The following TTC39B variants were observed in gnomAD, a reference collection of about 807,000 sequenced individuals.
TTC39B encodes the protein tetratricopeptide repeat protein 39B.
A neutral mutation model predicts 96.6 loss-of-function variants in TTC39B; 92 were observed. That is an observed-to-expected ratio of 0.95 (90% CI 0.80 to 1.13). TTC39B has a LOEUF of 1.13. TTC39B is among the 50% of genes most tolerant of loss of function. The pLI, the probability that TTC39B is intolerant of heterozygous loss-of-function variation, is 0.00. For missense variants in TTC39B, 955 were observed against 809.3 expected (o/e 1.18, Z -2.18); for synonymous variants, 367 against 299.4 (o/e 1.23, Z -2.33).
At chr9:15,209,222 T>C (rs1486716812) in intron 6 of TTC39B, among the ~76,000 whole-genome samples, 1 of 152,150 alleles carries the variant, frequency 6.6e-6, no homozygotes, top group African/African-American at 2.4e-5. Context: ...TATTGTGGAC[T>C]AGAGTGTAAC....
chr9:15,208,070 C>G (rs1819979357), intron 6 of TTC39B, among the ~76,000 whole-genome samples: 1 of 151,126 alleles, frequency 6.6e-6, no homozygotes. Context: ...TACTCTGTCA[C>G]CCAGGCAGAA....
chr9:15,246,810 G>C (rs1160564049), intron 2 of TTC39B, among the ~76,000 whole-genome samples: 3 of 152,238 alleles, frequency 2.0e-5, no homozygotes, highest in Non-Finnish European at 4.4e-5. Context: ...TCCAGCTCCA[G>C]CTGAGCCACC....
rs375100311 is a variant in TTC39B, at chr9:15,213,855, C to T, written c.482+284G>A. On this transcript the variant is annotated intron_variant, in intron 4 of 19. Coordinates refer to ENST00000512701, the Ensembl canonical transcript of TTC39B. ...AAGGAACAAACATAAAAACATTTCACTGAAGAAAGCAAAATTGAAGCCTTA... is the reference window on the plus strand; with the variant it reads ...AAGGAACAAACATAAAAACATTTCATTGAAGAAAGCAAAATTGAAGCCTTA... Among the ~76,000 whole-genome samples, 90 of 152,216 alleles carry T rather than the reference C, an allele frequency of 5.9e-4. 4 individuals carry two copies. The South Asian group carries it at 0.018, about 31-fold the overall frequency.
At chr9:15,181,187 C>G (rs2118604773) in intron 17 of TTC39B, among the ~76,000 whole-genome samples, 1 of 152,246 alleles carries the variant, frequency 6.6e-6, no homozygotes, top group South Asian at 2.1e-4. Context: ...GAGTGCCCAT[C>G]TTTTTACAGT....
chr9:15,239,242 T>C (rs982288449), intron 2 of TTC39B, among the ~76,000 whole-genome samples: 6 of 152,090 alleles, frequency 3.9e-5, no homozygotes, highest in Non-Finnish European at 8.8e-5. Flanking sequence ...TCAGAATGGC[T>C]ATTATTAAAA....
Position 15,214,254 on chromosome 9 carries a change from A to G in TTC39B, c.372-5T>C. On this transcript the variant is annotated splice_polypyrimidine_tract_variant and splice_region_variant and intron_variant, in intron 3 of 19. Coordinates refer to ENST00000512701, the Ensembl canonical transcript of TTC39B. ...TCCACCTTGGTTGATGATGAACTAA[A>G]GATCAAGAAAAAAGCACAGAGAATT... The G allele has an allele frequency of 6.2e-7, 1 of 1,610,268 alleles. No individual in the cohort carries two copies. Among genetic ancestry groups the G allele is most frequent in the Non-Finnish European group, 8.5e-7 (1 of 1,176,816 alleles).
chr9:15,204,254 C>T (rs1161175575), intron 6 of TTC39B, among the ~76,000 whole-genome samples: 1 of 152,268 alleles, frequency 6.6e-6, no homozygotes, highest in East Asian at 1.9e-4. Context: ...TTTGGCTGTG[C>T]GTGGTGGTTT....
chr9:15,281,625 C>CAAAAACAAAAA (rs1823764826), intron 1 of TTC39B, among the ~76,000 whole-genome samples: 1 of 49,010 alleles, frequency 2.0e-5, no homozygotes, highest in Non-Finnish European at 3.6e-5. Flanking sequence ...CCTGCAACAG[C>CAAAAACAAAAA]AAAAAAAAAA....
At chr9:15,196,053 A>G (rs190821434) in intron 8 of TTC39B, among the ~76,000 whole-genome samples, 4 of 152,368 alleles carry the variant, frequency 2.6e-5, no homozygotes, top group Admixed American at 1.3e-4. Flanking sequence ...ATGATAGCAC[A>G]TCTATTCACA....
In TTC39B at chr9:15,184,982, G is replaced by C. The variant is rs967490415; in HGVS notation, c.1614+298C>G. ...ACTTCAATGGAATCAACTTCTTTCT[G>C]TCTAAATTTCTTCACTAAAAAATGG... On this transcript the variant is annotated intron_variant, in intron 16 of 19. Transcript: ENST00000512701. Among the ~76,000 whole-genome samples, 7 of 152,148 alleles carry C rather than the reference G, an allele frequency of 4.6e-5. No homozygotes were observed. In the East Asian group the frequency reaches 1.4e-3, roughly 29 times the overall value.
At chr9:15,294,852 C>T (rs915020887) in intron 1 of TTC39B, among the ~76,000 whole-genome samples, 3 of 152,206 alleles carry the variant, frequency 2.0e-5, no homozygotes, top group African/African-American at 7.2e-5. Flanking sequence ...GGGCCCCCCA[C>T]GATAAGCGCT....
At chr9:15,219,327 G>A (rs993267788) in intron 3 of TTC39B, among the ~76,000 whole-genome samples, 5 of 152,088 alleles carry the variant, frequency 3.3e-5, no homozygotes, top group Non-Finnish European at 7.3e-5. Flanking sequence ...GTGTCAACCT[G>A]CCCCAACTCC....
At chr9:15,196,215 C>T (rs1238089007) in intron 8 of TTC39B, among the ~76,000 whole-genome samples, 1 of 152,196 alleles carries the variant, frequency 6.6e-6, no homozygotes, top group Non-Finnish European at 1.5e-5. Flanking sequence ...TGTTTTCATG[C>T]CTACTAACAC....
At chr9:15,200,266 C>T (rs472521) in intron 7 of TTC39B, among the ~76,000 whole-genome samples, 23,954 of 151,908 alleles carry the variant, frequency 0.16, 1,980 homozygotes, top group African/African-American at 0.18. Flanking sequence ...CTGGGTTTAA[C>T]AGAATGTAAA....
chr9:15,228,901 G>A (rs187285067), intron 2 of TTC39B, among the ~76,000 whole-genome samples: 67 of 152,168 alleles, frequency 4.4e-4, no homozygotes, highest in African/African-American at 1.5e-3. Context: ...TCTTTTCTGA[G>A]GTATAAAAGA....
intron 1 of TTC39B, among the ~76,000 whole-genome samples, chr9:15,303,284 A>G (rs1282181085): frequency 6.6e-6 from 1 of 152,224 alleles, no homozygotes; most frequent in Non-Finnish European, 1.5e-5. Context: ...CTATACCTAC[A>G]TAATAGCAAT....
At chr9:15,199,714 G>A in intron 8 of TTC39B, 147 bp downstream of exon 8, 1 of 338,980 alleles carries the variant, frequency 3.0e-6, no homozygotes, top group Non-Finnish European at 4.9e-6. Context: ...CAACCTGGGT[G>A]ACAGAGTGAG....
At position 15,267,795 on chromosome 9, in the gene TTC39B, T is replaced by C. The variant is rs56404790; in HGVS notation, c.275+119A>G. ...CTTTAATTATAGAAAAGTGACTTTT[T>C]TTTTCTGAAAATAGCCATTGCCGTA... is the stretch of plus-strand genomic sequence containing the variant. On this transcript the variant is annotated intron_variant, in intron 2 of 19. Coordinates refer to ENST00000512701, the Ensembl canonical transcript of TTC39B. 1.3e-3 allele frequency: 1,046 copies of C among 805,758 alleles called. 10 individuals are homozygous for C. In the African/African-American group the frequency reaches 0.015, roughly 12 times the overall value. The allele number at this position is 805,758 out of a possible 1,614,324, so 49.9% of individuals were successfully genotyped here.
At chr9:15,181,623 T>G (rs1349958866) in intron 17 of TTC39B, among the ~76,000 whole-genome samples, 1 of 152,172 alleles carries the variant, frequency 6.6e-6, no homozygotes, top group African/African-American at 2.4e-5. Context: ...CCAAATGTAA[T>G]GGGTAGAATA....
Sources: allele counts gnomAD v4.1 joint callset (sites outside exome capture counted in the v4.1 genomes callset), GRCh38; gene constraint gnomAD v4.1.1; transcripts MANE v1.5; gene names NCBI Gene and HGNC (gene_info 2026-07-23, HGNC 2026-07-21).